Variants in NRXN1 observed in about 807,000 individuals in gnomAD.
NRXN1 encodes the protein neurexin-1.
Under a neutral mutation model 150.9 loss-of-function variants are expected in NRXN1, and 39 were observed. The observed-to-expected ratio is 0.26, with a 90% confidence interval of 0.20 to 0.34. The LOEUF is 0.34. Among genes scored for constraint, NRXN1 ranks in the 10% least tolerant of loss-of-function variants. NRXN1 has a pLI of 1.00. For synonymous variants in NRXN1, 924 were observed against 757.0 expected, an observed-to-expected ratio of 1.22 and a Z score of -3.62; for missense variants, 1,815 against 1,949.9, an observed-to-expected ratio of 0.93 and a Z score of 1.30.
intron 17 of NRXN1, among the ~76,000 whole-genome samples, chr2:50,328,467 T>C (rs547737015): frequency 6.6e-6 from 1 of 152,154 alleles, no homozygotes; most frequent in South Asian, 2.1e-4. Flanking sequence ...TTGGGTGTGG[T>C]GGCTCACACC....
At chr2:50,480,283 G>A in intron 15 of NRXN1, among the ~76,000 whole-genome samples, 1 of 152,176 alleles carries the variant, frequency 6.6e-6, no homozygotes, top group Non-Finnish European at 1.5e-5. Context: ...AGTGTGCGTA[G>A]TAATGAGAAC....
Position 50,600,419 on chromosome 2 carries a change from G to C in NRXN1, c.1320+19603C>G, listed in dbSNP as rs377010355. 6.0e-5 allele frequency among the ~76,000 whole-genome samples: 9 copies of C among 150,862 alleles called. No homozygotes were observed. In the East Asian group the frequency reaches 1.8e-3, roughly 30 times the overall value. Reference sequence around the variant, plus strand: ...GGCTCACTGCAACCTCCACCTCCCGGGTTCAAGTAATTCTCCTGCCTCAGC... The same window carrying C: ...GGCTCACTGCAACCTCCACCTCCCGCGTTCAAGTAATTCTCCTGCCTCAGC... On this transcript the variant is annotated intron_variant, in intron 8 of 22. Transcript: ENST00000401669.
At chr2:50,707,786 G>A (rs547061126) in intron 5 of NRXN1, among the ~76,000 whole-genome samples, 1 of 152,148 alleles carries the variant, frequency 6.6e-6, no homozygotes, top group Non-Finnish European at 1.5e-5. Flanking sequence ...AAATGTTTCC[G>A]TCTTCATTCT....
chr2:50,607,304 C>G (rs1677289884), intron 8 of NRXN1, among the ~76,000 whole-genome samples: 1 of 152,232 alleles, frequency 6.6e-6, no homozygotes, highest in Non-Finnish European at 1.5e-5. Context: ...TTAAAGGCAT[C>G]CCTTTGTTCA....
chr2:50,625,191 C>T (rs959510753), intron 5 of NRXN1, among the ~76,000 whole-genome samples: 4 of 151,934 alleles, frequency 2.6e-5, no homozygotes, highest in African/African-American at 9.7e-5. Flanking sequence ...TAACTCACGT[C>T]CTGGAATCAG....
At chr2:50,925,022 C>T (rs1297441333) in intron 3 of NRXN1, among the ~76,000 whole-genome samples, 3 of 151,750 alleles carry the variant, frequency 2.0e-5, no homozygotes, top group Non-Finnish European at 4.4e-5. Context: ...ATACTAAATG[C>T]TGTCTTCCCA....
At chr2:50,075,801 A>AG (rs1697003441) in intron 19 of NRXN1, among the ~76,000 whole-genome samples, 1 of 151,218 alleles carries the variant, frequency 6.6e-6, no homozygotes, top group Non-Finnish European at 1.5e-5. Flanking sequence ...ACAAAGGAAA[A>AG]AAAAAACAGC....
intron 5 of NRXN1, among the ~76,000 whole-genome samples, chr2:50,803,272 A>T (rs1387771796): frequency 6.6e-6 from 1 of 152,200 alleles, no homozygotes; most frequent in Non-Finnish European, 1.5e-5. Flanking sequence ...ATTGTCTATG[A>T]TGATGATCTG....
At chr2:50,862,318 T>C (rs575235208) in intron 5 of NRXN1, among the ~76,000 whole-genome samples, 3 of 152,136 alleles carry the variant, frequency 2.0e-5, no homozygotes, top group Admixed American at 1.3e-4. Context: ...ATAAATTTAT[T>C]TGGAGGTACG....
Position 50,985,195 on chromosome 2 carries a change from G to C in NRXN1, c.772+42307C>G, listed in dbSNP as rs541272189. On this transcript the variant is annotated intron_variant, in intron 2 of 22. Transcript: ENST00000401669. ...ACATGGACAAAAATGCTGTAGGTTT[G>C]GTAGTATAATAGTAAATATCACCAA... Among the ~76,000 whole-genome samples the C allele has an allele frequency of 4.6e-5, 7 of 151,882 alleles. No homozygotes were observed. In the South Asian group the frequency reaches 1.0e-3, roughly 23 times the overall value.
chr2:50,232,073 A>C (rs554462633), intron 18 of NRXN1, among the ~76,000 whole-genome samples: 11 of 152,102 alleles, frequency 7.2e-5, no homozygotes, highest in Admixed American at 1.3e-4. Flanking sequence ...GAAAGTTAAA[A>C]CTGTAAGGAA....
intron 19 of NRXN1, among the ~76,000 whole-genome samples, chr2:50,083,528 A>C (rs933802778): frequency 2.0e-5 from 3 of 152,212 alleles, no homozygotes; most frequent in Admixed American, 2.0e-4. Context: ...GTGGACCCAA[A>C]GAGTGAGCAG....
intron 8 of NRXN1, among the ~76,000 whole-genome samples, chr2:50,617,349 T>C (rs1461488442): frequency 2.0e-5 from 3 of 151,768 alleles, no homozygotes; most frequent in Non-Finnish European, 4.4e-5. Context: ...GGCAGGAGAA[T>C]TGCTTGAACC....
At chr2:50,644,084 T>C (rs958716548) in intron 5 of NRXN1, among the ~76,000 whole-genome samples, 1 of 151,724 alleles carries the variant, frequency 6.6e-6, no homozygotes, top group African/African-American at 2.4e-5. Context: ...ATTTTCTTTA[T>C]GTAAATCTTA....
chr2:51,028,892 G>T lies in NRXN1; in HGVS notation c.-619C>A, dbSNP rs895326014. 6.6e-6 allele frequency: 1 copy of T among 152,248 alleles called. No individual in the cohort carries two copies. The highest frequency in any genetic ancestry group is 1.5e-5 in the Non-Finnish European group (1 of 68,070). The allele number at this position is 152,248 out of a possible 1,614,324, so 9.4% of individuals were successfully genotyped here. The stretch of plus-strand genomic sequence containing the variant: ...TTAGGGCACCATTTCTTAACCCGAG[G>T]ATAGCTTCAAAGGCCTGCTTCTTCT... On this transcript the variant is annotated 5_prime_UTR_variant, in exon 2 of 23. Transcript: ENST00000401669.
chr2:50,767,484 T>A (rs1319844878), intron 5 of NRXN1, among the ~76,000 whole-genome samples: 3 of 152,042 alleles, frequency 2.0e-5, no homozygotes, highest in Non-Finnish European at 1.5e-5. Flanking sequence ...GATTTTTATT[T>A]GGTGAAAGGA....
chr2:50,587,297 CA>C (rs1186020378), intron 8 of NRXN1, among the ~76,000 whole-genome samples: 1 of 152,296 alleles, frequency 6.6e-6, no homozygotes, highest in East Asian at 1.9e-4. Flanking sequence ...CCAACCTGGG[CA>C]ACATGGTGAA....
At chr2:50,217,422 A>C (rs2063477324) in intron 18 of NRXN1, among the ~76,000 whole-genome samples, 1 of 152,030 alleles carries the variant, frequency 6.6e-6, no homozygotes. Flanking sequence ...TTGAGAAACT[A>C]AGTGATTAGA....
At chr2:50,773,185 T>C (rs1003525631) in intron 5 of NRXN1, among the ~76,000 whole-genome samples, 8 of 152,152 alleles carry the variant, frequency 5.3e-5, no homozygotes, top group African/African-American at 1.7e-4. Flanking sequence ...ATCTCCATTA[T>C]TGGTAGCACT....
Sources: allele counts gnomAD v4.1 joint callset (sites outside exome capture counted in the v4.1 genomes callset), GRCh38; gene constraint gnomAD v4.1.1; transcripts MANE v1.5; gene names NCBI Gene and HGNC (gene_info 2026-07-23, HGNC 2026-07-21).